The following GCG variants were observed in gnomAD, a reference collection of about 807,000 sequenced individuals.
GCG encodes glucagon.
In GCG, 11 loss-of-function variants were observed where a neutral mutation model predicts 22.8. The ratio of observed to expected loss-of-function variants is 0.48; its 90% CI spans 0.30 to 0.80. GCG has a LOEUF of 0.80. GCG is among the 30% of genes least tolerant of loss of function. The pLI is 0.06. For synonymous variants in GCG, 89 were observed against 72.4 expected, an observed-to-expected ratio of 1.23 and a Z score of -1.16; for missense variants, 222 against 222.0, an observed-to-expected ratio of 1.00 and a Z score of 0.00.
intron 1 of GCG, among the ~76,000 whole-genome samples, chr2:162,150,211 G>A (rs1214394504): frequency 6.6e-6 from 1 of 152,132 alleles, no homozygotes; most frequent in Non-Finnish European, 1.5e-5. Context: ...ATGGATCTCG[G>A]CTACTTTGAA....
chr2:162,145,820 G>A lies in GCG; in HGVS notation c.255-143C>T, dbSNP rs976983165. Reference sequence around the variant, plus strand: ...GGAGATGAGGGTTGCTAGGGGATTTGTCGTGAAGCTACATTAATGTTCTGG... The same window carrying A: ...GGAGATGAGGGTTGCTAGGGGATTTATCGTGAAGCTACATTAATGTTCTGG... On this transcript the variant is annotated intron_variant, in intron 3 of 5. Coordinates refer to ENST00000418842, the MANE Select transcript of GCG (RefSeq NM_002054.5). The A allele has an allele frequency of 4.9e-6, 3 of 618,144 alleles. No individual in the cohort carries two copies. In the African/African-American group the frequency reaches 5.6e-5, roughly 12 times the overall value. 38.3% of individuals were successfully genotyped at this position (618,144 alleles called of 1,614,324 possible).
intron 2 of GCG, among the ~76,000 whole-genome samples, chr2:162,147,954 T>C (rs1052688229): frequency 6.6e-6 from 1 of 152,054 alleles, no homozygotes; most frequent in Non-Finnish European, 1.5e-5. Flanking sequence ...AGTTATATGG[T>C]GGCTAGCAGT....
intron 1 of GCG, among the ~76,000 whole-genome samples, chr2:162,151,734 T>C (rs925793270): frequency 6.6e-6 from 1 of 152,162 alleles, no homozygotes; most frequent in Non-Finnish European, 1.5e-5. Flanking sequence ...AAAAAGCAAT[T>C]TCTGTTATAG....
chr2:162,151,079 T>C (rs1686824711), intron 1 of GCG, among the ~76,000 whole-genome samples: 1 of 152,158 alleles, frequency 6.6e-6, no homozygotes, highest in Non-Finnish European at 1.5e-5. Context: ...TATGTTATTT[T>C]AGTATTAAAA....
intron 1 of GCG, among the ~76,000 whole-genome samples, chr2:162,149,692 C>T (rs1193017226): frequency 6.6e-6 from 1 of 152,034 alleles, no homozygotes; most frequent in Non-Finnish European, 1.5e-5. Context: ...TACCAGCTGT[C>T]GGTTCAGATG....
intron 2 of GCG, among the ~76,000 whole-genome samples, chr2:162,148,432 A>G (rs1418127595): frequency 6.6e-6 from 1 of 152,140 alleles, no homozygotes; most frequent in Non-Finnish European, 1.5e-5. Flanking sequence ...CAAATATTGT[A>G]CATTTATGAG....
At chr2:162,146,129 G>A (rs1313971370) in intron 3 of GCG, among the ~76,000 whole-genome samples, 2 of 152,104 alleles carry the variant, frequency 1.3e-5, no homozygotes, top group Admixed American at 1.3e-4. Context: ...ACTTGATAAT[G>A]GATTAAAGAA....
At chr2:162,145,987 A>G (rs1686673628) in intron 3 of GCG, among the ~76,000 whole-genome samples, 1 of 152,278 alleles carries the variant, frequency 6.6e-6, no homozygotes, top group South Asian at 2.1e-4. Context: ...GTCTCAATGG[A>G]TACAGGCTAT....
intron 1 of GCG, among the ~76,000 whole-genome samples, chr2:162,150,317 A>G (rs1008266361): frequency 6.6e-6 from 1 of 152,180 alleles, no homozygotes. Flanking sequence ...AGCAAATGAC[A>G]TTTGGTTTGG....
At chr2:162,143,414 G>GTTA in intron 5 of GCG, 44 bp from the exon 6 acceptor site, 2 of 751,074 alleles carry the variant, frequency 2.7e-6, no homozygotes, top group Non-Finnish European at 4.4e-6. Flanking sequence ...ATTATAATAA[G>GTTA]ATGATATCAT....
At chr2:162,148,612 A>T (rs147789301) in intron 2 of GCG, among the ~76,000 whole-genome samples, 1,776 of 152,214 alleles carry the variant, frequency 0.012, 38 homozygotes, top group African/African-American at 0.04. Flanking sequence ...TAATACACCA[A>T]ATTTGTTTAC....
In GCG at chr2:162,143,448, A is replaced by G. The variant is rs1686602233; in HGVS notation, c.537-78T>C. 4.9e-6 allele frequency: 3 copies of G among 606,500 alleles called. No homozygotes were observed. In the Admixed American group the frequency reaches 9.1e-5, roughly 18 times the overall value. The allele number at this position is 606,500 out of a possible 1,614,324, so 37.6% of individuals were successfully genotyped here. ...ATTAACTTATCCAGAAAATATTTCA[A>G]TGATTTATTTTGATAAAAGTTGTTT... On this transcript the variant is annotated intron_variant, in intron 5 of 5. Coordinates refer to ENST00000418842, the MANE Select transcript of GCG (RefSeq NM_002054.5).
chr2:162,144,259 G>T, intron 4 of GCG, 89 bp from the exon 5 acceptor site: 2 of 1,026,254 alleles, frequency 1.9e-6, no homozygotes, highest in Non-Finnish European at 3.0e-6. Flanking sequence ...ATGCACAAGT[G>T]TCTTGAGGAA....
Position 162,144,148 on chromosome 2 carries a change from C to T in GCG, c.415G>A (p.Val139Ile), listed in dbSNP as rs758708200. Residue 139 changes from valine to isoleucine, a missense_variant, in exon 5 of 6, where the codon GTT becomes ATT. Physicochemically the swap from Val to Ile is conservative, Grantham distance 29. Coordinates refer to ENST00000418842, the MANE Select transcript of GCG (RefSeq NM_002054.5). ...RRDFPEEVAI[V>I]EELGRRHADG... ...GCATGTCTGCGGCCAAGTTCTTCAA[C>T]AATGGCGACCTCTTCTGGGAAACTA... The T allele has an allele frequency of 1.7e-5, 27 of 1,611,736 alleles. 1 individual carries two copies. In the South Asian group the frequency reaches 2.4e-4, roughly 14 times the overall value.
chr2:162,149,047 A>G (rs757046158), intron 2 of GCG, 40 bp downstream of exon 2: 48 of 1,200,640 alleles, frequency 4.0e-5, no homozygotes, highest in Non-Finnish European at 5.7e-5. Context: ...CTTTATTCCA[A>G]CCATATTGAT....
chr2:162,144,175 G>A lies in GCG; in HGVS notation c.393-5C>T. The A allele has an allele frequency of 1.2e-6, 2 of 1,605,420 alleles. No homozygotes were observed. Among genetic ancestry groups the A allele is most frequent in the Non-Finnish European group, 1.7e-6 (2 of 1,172,446 alleles). On this transcript the variant is annotated splice_polypyrimidine_tract_variant and splice_region_variant and intron_variant, in intron 4 of 5. Coordinates refer to ENST00000418842, the MANE Select transcript of GCG (RefSeq NM_002054.5). The stretch of plus-strand genomic sequence containing the variant: ...ATGGCGACCTCTTCTGGGAAACTAA[G>A]AAAATAAGTGTTAAAATTAGCGTTT...
chr2:162,144,070 T>C lies in GCG; in HGVS notation c.493A>G (p.Arg165Gly), dbSNP rs746153676. 1.2e-6 allele frequency: 2 copies of C among 1,613,048 alleles called. No individual in the cohort carries two copies. The highest frequency in any genetic ancestry group is 2.7e-5 in the African/African-American group (2 of 74,902). Residue 165 changes from arginine (R) to glycine (G), a missense_variant, in exon 5 of 6, where the codon AGG becomes GGG. Physicochemically the swap from Arg to Gly is moderately radical, Grantham distance 125. Coordinates refer to ENST00000418842, the MANE Select transcript of GCG (RefSeq NM_002054.5). ...MNTILDNLAA[R>G]DFINWLIQTK... ...TGAATCAACCAGTTTATAAAGTCCCTGGCGGCAAGATTATCAAGAATGGTG... is the reference window on the plus strand; with the variant it reads ...TGAATCAACCAGTTTATAAAGTCCCCGGCGGCAAGATTATCAAGAATGGTG...
intron 1 of GCG, among the ~76,000 whole-genome samples, chr2:162,149,404 T>C (rs1050693804): frequency 2.0e-5 from 3 of 152,176 alleles, no homozygotes; most frequent in African/African-American, 7.2e-5. Context: ...ACACAAAAGA[T>C]GTGTTCCACC....
Position 162,143,368 on chromosome 2 carries a change from T to C in GCG, c.539A>G (p.Lys180Arg), listed in dbSNP as rs1486684869. The C allele has an allele frequency of 1.7e-6, 2 of 1,166,004 alleles. No homozygotes were observed. Among genetic ancestry groups the C allele is most frequent in the Non-Finnish European group, 2.5e-6 (2 of 815,656 alleles). 72.2% of individuals were successfully genotyped at this position (1,166,004 alleles called of 1,614,324 possible). ...WLIQTKITDR[K>R] ...TGATCTTGAATAGTGATATAGTTAT[T>C]TCCTAGAGATTAAAAAAAGAAAATG... The change falls in exon 6 of 6, where the codon AAA becomes AGA. Residue 180 changes from lysine to arginine, a missense_variant and splice_region_variant. Coordinates refer to ENST00000418842, the MANE Select transcript of GCG (RefSeq NM_002054.5).
Sources: allele counts gnomAD v4.1 joint callset (sites outside exome capture counted in the v4.1 genomes callset), GRCh38; gene constraint gnomAD v4.1.1; transcripts MANE v1.5; gene names NCBI Gene and HGNC (gene_info 2026-07-23, HGNC 2026-07-21).